SHOC1: variants seen among roughly 807,000 people sequenced by gnomAD.
SHOC1 encodes protein shortage in chiasmata 1 ortholog.
Under a neutral mutation model 179.2 loss-of-function variants are expected in SHOC1, and 136 were observed. The ratio of observed to expected loss-of-function variants is 0.76; its 90% confidence interval spans 0.66 to 0.87. SHOC1 has a LOEUF of 0.87. SHOC1 is among the 40% of genes least tolerant of loss of function. The pLI is 0.00. For missense variants in SHOC1, 1,538 were observed against 1,700.8 expected (o/e 0.90, Z 1.68); for synonymous variants, 489 against 586.6 (o/e 0.83, Z 2.41).
chr9:111,705,422 T>TA, intron 20 of SHOC1, 58 bp from the exon 21 acceptor site: 1 of 678,826 alleles, frequency 1.5e-6, no homozygotes, highest in Non-Finnish European at 2.2e-6. Context: ...CAGCTCTTTC[T>TA]CTTTTTTTTT....
chr9:111,688,972 A>G (rs1435411767), intron 27 of SHOC1, among the ~76,000 whole-genome samples: 1 of 152,204 alleles, frequency 6.6e-6, no homozygotes, highest in East Asian at 1.9e-4. Context: ...TTGGATACTT[A>G]CAGAGGCTGA....
chr9:111,720,648 T>C (rs1832994665), intron 15 of SHOC1, among the ~76,000 whole-genome samples: 1 of 152,228 alleles, frequency 6.6e-6, no homozygotes, highest in Non-Finnish European at 1.5e-5. Flanking sequence ...TCTTTTTCAT[T>C]CTTTCATGCT....
intron 22 of SHOC1, 58 bp from the exon 23 acceptor site, chr9:111,702,284 T>A: frequency 7.3e-6 from 8 of 1,094,322 alleles, no homozygotes; most frequent in Non-Finnish European, 1.1e-5. Context: ...ATTATGAAAT[T>A]ATGTTATCAT....
At chr9:111,694,114 T>C (rs1218928868) in intron 25 of SHOC1, 117 bp downstream of exon 25, 1 of 1,168,680 alleles carries the variant, frequency 8.6e-7, no homozygotes, top group African/African-American at 1.5e-5. Context: ...CTTTTGTTAT[T>C]GCACCTACCA....
chr9:111,756,080 C>G (rs1359453497), intron 8 of SHOC1, among the ~76,000 whole-genome samples: 1 of 152,024 alleles, frequency 6.6e-6, no homozygotes, highest in Non-Finnish European at 1.5e-5. Context: ...TGAGATCTTG[C>G]CATTGCACTC....
chr9:111,773,559 G>A lies in SHOC1; in HGVS notation c.442+2232C>T, dbSNP rs548285620. Among the ~76,000 whole-genome samples, 52 of 152,192 alleles carry A rather than the reference G, an allele frequency of 3.4e-4. 1 individual carries two copies. Among genetic ancestry groups the A allele is most frequent in the Admixed American group, 5.2e-4 (8 of 15,274 alleles). Reference sequence around the variant, plus strand: ...ACGCCTGACCCCAGGTGATCCACCCGCCTCAGTCTCCCAAAGTGATGGAAT... The same window carrying A: ...ACGCCTGACCCCAGGTGATCCACCCACCTCAGTCTCCCAAAGTGATGGAAT... On this transcript the variant is annotated intron_variant, in intron 5 of 27. Coordinates refer to ENST00000682961, the MANE Select transcript of SHOC1 (RefSeq NM_001378211.1).
intron 5 of SHOC1, among the ~76,000 whole-genome samples, chr9:111,763,331 T>C (rs912935878): frequency 2.0e-5 from 3 of 152,052 alleles, no homozygotes; most frequent in East Asian, 1.9e-4. Context: ...GGATACACCA[T>C]GTATCCAGCC....
At chr9:111,764,904 G>A (rs1835284928) in intron 5 of SHOC1, among the ~76,000 whole-genome samples, 1 of 152,070 alleles carries the variant, frequency 6.6e-6, no homozygotes, top group African/African-American at 2.4e-5. Flanking sequence ...ACTTTGGGAG[G>A]CCAAGATGGG....
In SHOC1 at chr9:111,759,484, G is replaced by T. The variant is rs955461566; in HGVS notation, c.443-636C>A. The stretch of plus-strand genomic sequence containing the variant: ...TTTCTGGAATAAATTTCTCCTCTCG[G>T]TCTCCACCCTGCCTTGTCTGGGTTT... On this transcript the variant is annotated intron_variant, in intron 5 of 27. Coordinates refer to ENST00000682961, the MANE Select transcript of SHOC1 (RefSeq NM_001378211.1). The T allele has an allele frequency of 5.7e-5, 71 of 1,247,620 alleles. No individual in the cohort carries two copies. In the African/African-American group the frequency reaches 9.8e-4, roughly 17 times the overall value. 77.3% of individuals were successfully genotyped at this position (1,247,620 alleles called of 1,614,324 possible).
chr9:111,693,213 C>G (rs146859895), intron 26 of SHOC1, among the ~76,000 whole-genome samples: 2 of 150,638 alleles, frequency 1.3e-5, no homozygotes, highest in Non-Finnish European at 3.0e-5. Flanking sequence ...GGCTGAGGCA[C>G]GAGAATTGCT....
intron 19 of SHOC1, 27 bp downstream of exon 19, chr9:111,707,828 C>T (rs1832348172): frequency 1.4e-6 from 2 of 1,456,400 alleles, no homozygotes; most frequent in African/African-American, 1.5e-5. Context: ...ACGTTTGTTC[C>T]TCACAGATGA....
At chr9:111,762,448 A>G (rs1047607136) in intron 5 of SHOC1, among the ~76,000 whole-genome samples, 1 of 152,070 alleles carries the variant, frequency 6.6e-6, no homozygotes, top group Admixed American at 6.6e-5. Flanking sequence ...AAAGAAAAAG[A>G]AAAAGACACG....
At chr9:111,718,101 G>T in intron 16 of SHOC1, 83 bp downstream of exon 16, 2 of 891,196 alleles carry the variant, frequency 2.2e-6, no homozygotes, top group Non-Finnish European at 3.5e-6. Context: ...TTCTTATAAG[G>T]TGTATCTTTT....
At chr9:111,742,285 A>T (rs1202031605) in intron 10 of SHOC1, among the ~76,000 whole-genome samples, 1 of 152,186 alleles carries the variant, frequency 6.6e-6, no homozygotes, top group Non-Finnish European at 1.5e-5. Flanking sequence ...GCACATAGCA[A>T]CCTCAACAAA....
At chr9:111,700,186 G>GTT in intron 23 of SHOC1, 139 bp from the exon 24 acceptor site, 3 of 448,220 alleles carry the variant, frequency 6.7e-6, no homozygotes, top group Non-Finnish European at 1.2e-5. Flanking sequence ...AATTTGTGGG[G>GTT]TTTTTTTTTC....
chr9:111,702,360 G>A, intron 22 of SHOC1, 134 bp from the exon 23 acceptor site: 2 of 593,860 alleles, frequency 3.4e-6, no homozygotes, highest in Non-Finnish European at 2.8e-6. Flanking sequence ...CCCATTTCAT[G>A]GAAAAATTAA....
Position 111,758,184 on chromosome 9 carries a change from G to A in SHOC1, c.608C>T (p.Ser203Phe). ...TEANFSRECF[S>F]LQETLEAFVK... is the part of the protein sequence containing the mutation. Reference sequence around the variant, plus strand: ...AAAAGCTTCCAAAGTTTCTTGAAGAGAGAAACATTCCCTTAAAAAAAAATA... The same window carrying A: ...AAAAGCTTCCAAAGTTTCTTGAAGAAAGAAACATTCCCTTAAAAAAAAATA... The change falls in exon 7 of 28, where the codon TCT becomes TTT. Residue 203 changes from serine to phenylalanine, a missense_variant. By Grantham distance (155) the Ser-to-Phe change is radical (BLOSUM62 -2). Coordinates refer to ENST00000682961, the MANE Select transcript of SHOC1 (RefSeq NM_001378211.1). The A allele has an allele frequency of 6.4e-7, 1 of 1,557,772 alleles. No individual in the cohort carries two copies. Among genetic ancestry groups the A allele is most frequent in the Admixed American group, 1.9e-5 (1 of 52,490 alleles).
rs1832352382 is a variant in SHOC1, at chr9:111,707,881, A to G, written c.2532T>C (p.Phe844=). 1 of 1,582,472 alleles carries G rather than the reference A, an allele frequency of 6.3e-7. No homozygotes were observed. Among genetic ancestry groups the G allele is most frequent in the African/African-American group, 1.4e-5 (1 of 72,796 alleles). The change falls in exon 19 of 28, where the codon TTT becomes TTC. Residue 844 remains phenylalanine, a synonymous_variant. Coordinates refer to ENST00000682961, the MANE Select transcript of SHOC1 (RefSeq NM_001378211.1). ...TVLHSNERKD[F]LESEGVLRGT... ...CCCTTAAAACACCTTCAGATTCCAG[A>G]AAATCTTTTCTTTCATTTGAATGAA...
intron 7 of SHOC1, among the ~76,000 whole-genome samples, chr9:111,756,940 T>A (rs1386501808): frequency 6.6e-6 from 1 of 152,108 alleles, no homozygotes; most frequent in Non-Finnish European, 1.5e-5. Context: ...AGTCCACAAC[T>A]CTCAGGGTTA....
Sources: allele counts gnomAD v4.1 joint callset (sites outside exome capture counted in the v4.1 genomes callset), GRCh38; gene constraint gnomAD v4.1.1; transcripts MANE v1.5; gene names NCBI Gene and HGNC (gene_info 2026-07-23, HGNC 2026-07-21).